Variants in ADGRL3 observed in about 807,000 individuals in gnomAD.
ADGRL3 encodes calcium-independent alpha-latrotoxin receptor 3.
In ADGRL3, 62 loss-of-function variants were observed where a neutral mutation model predicts 153.5. That is an observed-to-expected ratio of 0.40 (90% CI 0.33 to 0.50). The LOEUF (loss-of-function observed/expected upper bound fraction) is 0.50, where lower values mean the gene tolerates loss of function less well. Ranked by LOEUF, ADGRL3 falls within the 20% of genes least tolerant of loss-of-function variation. The probability of loss-of-function intolerance (pLI) is 0.47; values close to 1 mark genes in which losing one functional copy is unlikely to be tolerated. For missense variants in ADGRL3, 1,641 were observed against 1,859.4 expected, an observed-to-expected ratio of 0.88 and a Z score of 2.16; for synonymous variants, 710 against 672.5, an observed-to-expected ratio of 1.06 and a Z score of -0.86.
intron 5 of ADGRL3, among the ~76,000 whole-genome samples, chr4:61,595,011 A>G (rs571687579): frequency 4.6e-5 from 7 of 152,220 alleles, no homozygotes; most frequent in Admixed American, 2.6e-4. Flanking sequence ...AGCCCAAGGC[A>G]TCTGCCTCAG....
At chr4:61,373,370 G>A (rs2096563925) in intron 1 of ADGRL3, among the ~76,000 whole-genome samples, 1 of 152,030 alleles carries the variant, frequency 6.6e-6, no homozygotes, top group South Asian at 2.1e-4. Context: ...GTATCCTAGA[G>A]AAATAAGAGA....
chr4:61,777,825 G>A (rs1423833248), intron 8 of ADGRL3, among the ~76,000 whole-genome samples: 2 of 152,112 alleles, frequency 1.3e-5, no homozygotes, highest in African/African-American at 4.8e-5. Flanking sequence ...AGTATCGCTA[G>A]GGGATTTGCT....
intron 21 of ADGRL3, among the ~76,000 whole-genome samples, chr4:62,008,895 G>C (rs992796159): frequency 6.6e-6 from 1 of 151,932 alleles, no homozygotes; most frequent in Non-Finnish European, 1.5e-5. Context: ...TTTGTTTCCT[G>C]TACCTTTCTT....
intron 17 of ADGRL3, among the ~76,000 whole-genome samples, chr4:61,959,919 T>C (rs1372712452): frequency 2.0e-5 from 3 of 152,144 alleles, no homozygotes; most frequent in Non-Finnish European, 4.4e-5. Flanking sequence ...GAGGTGGAGA[T>C]TAAAAATCAT....
chr4:61,201,090 C>T lies in ADGRL3; in HGVS notation c.-915C>T, dbSNP rs1734525819. Among the ~76,000 whole-genome samples, 1 of 152,116 alleles carries T rather than the reference C, an allele frequency of 6.6e-6. No individual in the cohort carries two copies. The highest frequency in any genetic ancestry group is 1.5e-5 in the Non-Finnish European group (1 of 68,016). ...AGGACGGTTTGGCGGAGAAGCCACC[C>T]CTGGCCCTCGCGGCTCCCCCTACCT... On this transcript the variant is annotated 5_prime_UTR_variant, in exon 1 of 27. Coordinates refer to ENST00000683033, the MANE Select transcript of ADGRL3 (RefSeq NM_001387552.1).
At chr4:61,220,877 T>A (rs1174971994) in intron 1 of ADGRL3, among the ~76,000 whole-genome samples, 4 of 152,212 alleles carry the variant, frequency 2.6e-5, no homozygotes, top group Non-Finnish European at 4.4e-5. Flanking sequence ...ATGCCTTTAT[T>A]ACTTATTTCT....
chr4:61,637,685 C>T (rs193286705), intron 5 of ADGRL3, among the ~76,000 whole-genome samples: 25 of 152,234 alleles, frequency 1.6e-4, no homozygotes, highest in East Asian at 3.9e-4. Context: ...CACTTGAACC[C>T]GGGAGGTGGA....
At chr4:61,838,926 A>T (rs2097979514) in intron 9 of ADGRL3, among the ~76,000 whole-genome samples, 1 of 152,190 alleles carries the variant, frequency 6.6e-6, no homozygotes, top group Admixed American at 6.5e-5. Flanking sequence ...AAGAAATCTA[A>T]GTTAAATGCC....
intron 6 of ADGRL3, among the ~76,000 whole-genome samples, chr4:61,706,143 C>T (rs2095853569): frequency 2.0e-5 from 3 of 152,106 alleles, no homozygotes; most frequent in South Asian, 4.2e-4. Context: ...CTGTTCTGGC[C>T]AGGCGCGGTG....
At chr4:61,813,010 C>G (rs1368911941) in intron 8 of ADGRL3, among the ~76,000 whole-genome samples, 2 of 152,130 alleles carry the variant, frequency 1.3e-5, no homozygotes. Context: ...AAACATTTCT[C>G]AAAGTGTTAT....
chr4:62,016,661 G>A (rs929528255), intron 21 of ADGRL3, among the ~76,000 whole-genome samples: 7 of 152,040 alleles, frequency 4.6e-5, no homozygotes, highest in Non-Finnish European at 8.8e-5. Flanking sequence ...AACTGTTTTA[G>A]CTACTCAGGA....
At chr4:61,416,789 T>A (rs1404362589) in intron 2 of ADGRL3, among the ~76,000 whole-genome samples, 1 of 152,094 alleles carries the variant, frequency 6.6e-6, no homozygotes, top group Non-Finnish European at 1.5e-5. Context: ...TGGTGGATGG[T>A]TTTAGGATGA....
At chr4:61,318,426 G>A (rs2095281896) in intron 1 of ADGRL3, among the ~76,000 whole-genome samples, 1 of 151,992 alleles carries the variant, frequency 6.6e-6, no homozygotes, top group Non-Finnish European at 1.5e-5. Context: ...TCACAAAAGG[G>A]CTATAATATC....
At chr4:61,530,318 T>C (rs1327722066) in intron 4 of ADGRL3, among the ~76,000 whole-genome samples, 2 of 151,910 alleles carry the variant, frequency 1.3e-5, no homozygotes, top group African/African-American at 2.4e-5. Flanking sequence ...ATATGGTCTT[T>C]CAAGAGGACA....
chr4:61,469,410 T>C (rs913415233), intron 2 of ADGRL3, among the ~76,000 whole-genome samples: 1 of 152,072 alleles, frequency 6.6e-6, no homozygotes, highest in Non-Finnish European at 1.5e-5. Context: ...CGGGAAGCCA[T>C]TTCTGACTAA....
chr4:62,013,412 C>T (rs1343312440), intron 21 of ADGRL3, among the ~76,000 whole-genome samples: 3 of 151,724 alleles, frequency 2.0e-5, no homozygotes, highest in Non-Finnish European at 4.4e-5. Flanking sequence ...CATGGTGGCA[C>T]GCACCTGTAA....
At chr4:62,062,691 A>G (rs1740855089) in intron 25 of ADGRL3, among the ~76,000 whole-genome samples, 1 of 152,108 alleles carries the variant, frequency 6.6e-6, no homozygotes, top group South Asian at 2.1e-4. Context: ...AAGAACAAAA[A>G]GTATTAACAA....
chr4:61,628,629 T>C (rs1259021768), intron 5 of ADGRL3, among the ~76,000 whole-genome samples: 1 of 152,166 alleles, frequency 6.6e-6, no homozygotes, highest in East Asian at 1.9e-4. Flanking sequence ...TCTGGTATGG[T>C]TTCCTAGCAT....
chr4:62,012,154 C>T (rs1200939515), intron 21 of ADGRL3, among the ~76,000 whole-genome samples: 1 of 152,086 alleles, frequency 6.6e-6, no homozygotes, highest in African/African-American at 2.4e-5. Context: ...CTTTTTAAAG[C>T]TTCTTGGAGA....
Sources: gnomAD v4.1 joint callset for allele counts (sites outside exome capture counted in the v4.1 genomes callset) on GRCh38, gnomAD v4.1.1 for gene constraint, MANE v1.5 for transcripts, NCBI Gene and HGNC (gene_info 2026-07-23, HGNC 2026-07-21) for gene names.